PDZD2: variants seen among roughly 807,000 people sequenced by gnomAD.
The protein encoded by PDZD2 is PDZ domain containing 2, also known as PDZ domain-containing protein 2.
Under a neutral mutation model 220.7 loss-of-function variants are expected in PDZD2, and 90 were observed. The ratio of observed to expected loss-of-function variants is 0.41; its 90% CI spans 0.34 to 0.49. The LOEUF (loss-of-function observed/expected upper bound fraction) is 0.49, where lower values mean the gene tolerates loss of function less well. Among genes scored for constraint, PDZD2 ranks in the 20% least tolerant of loss-of-function variants. PDZD2 has a pLI of 0.28. For missense variants in PDZD2, 3,174 were observed against 3,608.5 expected, an observed-to-expected ratio of 0.88 and a Z score of 3.08; for synonymous variants, 1,375 against 1,450.5, an observed-to-expected ratio of 0.95 and a Z score of 1.18.
intron 2 of PDZD2, among the ~76,000 whole-genome samples, chr5:31,895,447 C>G (rs1284282774): frequency 6.6e-6 from 1 of 152,194 alleles, no homozygotes; most frequent in East Asian, 1.9e-4. Context: ...CCAGGTACTG[C>G]CAGTACCTTG....
chr5:31,893,837 A>C (rs1274368001), intron 2 of PDZD2, among the ~76,000 whole-genome samples: 1 of 152,092 alleles, frequency 6.6e-6, no homozygotes, highest in Non-Finnish European at 1.5e-5. Context: ...TGTTCACATG[A>C]AGTTGTACAG....
intron 7 of PDZD2, among the ~76,000 whole-genome samples, chr5:32,038,738 T>A (rs1238373883): frequency 2.0e-5 from 3 of 152,068 alleles, no homozygotes; most frequent in Non-Finnish European, 4.4e-5. Flanking sequence ...CCTACAACAG[T>A]CATCTGGTAT....
At chr5:31,924,918 T>A (rs1397308819) in intron 2 of PDZD2, among the ~76,000 whole-genome samples, 1 of 152,206 alleles carries the variant, frequency 6.6e-6, no homozygotes, top group East Asian at 1.9e-4. Flanking sequence ...AGGGTCTTCA[T>A]GTTTGTGGCA....
chr5:32,091,954 C>T (rs546573182), intron 20 of PDZD2, among the ~76,000 whole-genome samples: 4 of 152,174 alleles, frequency 2.6e-5, no homozygotes, highest in East Asian at 3.9e-4. Flanking sequence ...TGGAGTTAAA[C>T]GGAGAATTTC....
intron 1 of PDZD2, among the ~76,000 whole-genome samples, chr5:31,705,518 CA>C (rs1233560810): frequency 1.3e-5 from 2 of 152,238 alleles, no homozygotes; most frequent in Admixed American, 1.3e-4. Context: ...GTATTTTATA[CA>C]TATCATCTAA....
At chr5:31,885,158 CAAA>C (rs397978491) in intron 2 of PDZD2, among the ~76,000 whole-genome samples, 1 of 105,254 alleles carries the variant, frequency 9.5e-6, no homozygotes, top group Non-Finnish European at 2.0e-5. Context: ...GTGCAAACGG[CAAA>C]AAAAAAAAAA....
Position 32,048,449 on chromosome 5 carries a change from GGT to G in PDZD2, c.1520-87_1520-86del. 7 of 1,047,400 alleles carry G rather than the reference GGT, an allele frequency of 6.7e-6. No homozygotes were observed. The South Asian group carries it at 9.7e-5, about 15-fold the overall frequency. The allele number at this position is 1,047,400 out of a possible 1,614,324, so 64.9% of individuals were successfully genotyped here. ...TAGGCTTCTCAAAACCATGAAGGTG[GGT>G]GTAAATACAATGAGTTTATGCCTCT... On this transcript the variant is annotated intron_variant, in intron 7 of 24. Coordinates refer to ENST00000438447, the MANE Select transcript of PDZD2 (RefSeq NM_178140.4).
chr5:31,642,351 G>C (rs1176448239), intron 1 of PDZD2, among the ~76,000 whole-genome samples: 1 of 152,170 alleles, frequency 6.6e-6, no homozygotes, highest in African/African-American at 2.4e-5. Context: ...ACAAGCCCAT[G>C]AGAGAGGTTA....
At chr5:31,979,353 T>C (rs1750076135) in intron 2 of PDZD2, among the ~76,000 whole-genome samples, 1 of 152,132 alleles carries the variant, frequency 6.6e-6, no homozygotes, top group Non-Finnish European at 1.5e-5. Flanking sequence ...GTGGATCACC[T>C]GAGGTCAGGA....
chr5:31,856,778 C>T (rs1051403125), intron 2 of PDZD2, among the ~76,000 whole-genome samples: 2 of 152,066 alleles, frequency 1.3e-5, no homozygotes, highest in African/African-American at 2.4e-5. Flanking sequence ...CCTTCTTCAT[C>T]GTCTTCTGTT....
Position 32,088,561 on chromosome 5 carries a change from G to A in PDZD2, c.5113G>A (p.Ala1705Thr). ...ETTEVTSASS[A>T]MENSPLSKVA... ...CACAGAAGTCACCAGCGCTAGCTCA[G>A]CCATGGAAAACAGTCCGCTGTCTAA... Residue 1705 changes from alanine (A) to threonine (T), a missense_variant, in exon 20 of 25, where the codon GCC (alanine) becomes ACC (threonine). By Grantham distance (58) the Ala-to-Thr change is moderately conservative. Coordinates refer to ENST00000438447, the MANE Select transcript of PDZD2 (RefSeq NM_178140.4). The surrounding 1 kb of genome is among the most constrained non-coding windows in gnomAD (Gnocchi z 4.6). 1 of 1,614,128 alleles carries A rather than the reference G, an allele frequency of 6.2e-7. No individual in the cohort carries two copies.
intron 2 of PDZD2, among the ~76,000 whole-genome samples, chr5:31,932,530 C>G (rs1745383816): frequency 6.8e-6 from 1 of 146,034 alleles, no homozygotes; most frequent in South Asian, 2.3e-4. Context: ...GCCTGGGCGA[C>G]AGAGCAAGAC....
At position 31,849,935 on chromosome 5, in the gene PDZD2, CATATATATATATACAT is replaced by C. The variant is rs1561507207; in HGVS notation, c.476+50223_476+50238del. Among the ~76,000 whole-genome samples the C allele has an allele frequency of 3.1e-4, 6 of 19,184 alleles. 1 individual carries two copies. Among genetic ancestry groups the C allele is most frequent in the Non-Finnish European group, 5.2e-4 (6 of 11,616 alleles). The allele number at this position is 19,184 out of a possible 152,430, so 12.6% of individuals were successfully genotyped here. A position where few individuals can be genotyped will look rare whatever the true frequency, so the allele number is the denominator to read the frequency against. On this transcript the variant is annotated intron_variant, in intron 2 of 24. Transcript: ENST00000438447. Reference sequence around the variant, plus strand: ...ATATATATACATATATATATATACACATATATATATATACATATATATATATACACATATATATATA... The same window carrying C: ...ATATATATACATATATATATATACACATATATATATACACATATATATATA...
At chr5:31,650,717 C>T (rs1376648055) in intron 1 of PDZD2, among the ~76,000 whole-genome samples, 7 of 152,134 alleles carry the variant, frequency 4.6e-5, no homozygotes, top group African/African-American at 1.7e-4. Context: ...CAGAGATGAC[C>T]AGGTTGAGTC....
chr5:31,743,507 A>G (rs1271462174), intron 1 of PDZD2, among the ~76,000 whole-genome samples: 2 of 151,990 alleles, frequency 1.3e-5, no homozygotes, highest in Non-Finnish European at 2.9e-5. Context: ...GGTACAGTGG[A>G]AGTCTGTCAT....
chr5:31,776,375 C>G (rs1752643841), intron 1 of PDZD2, among the ~76,000 whole-genome samples: 1 of 152,182 alleles, frequency 6.6e-6, no homozygotes, highest in Non-Finnish European at 1.5e-5. Context: ...CAACTGCCTC[C>G]CTGCCCTGTG....
chr5:32,000,268 C>T lies in PDZD2; in HGVS notation c.1251C>T (p.Ser417=). The change falls in exon 5 of 25, where the codon AGC becomes AGT. Residue 417 remains serine (S), a synonymous_variant. Transcript: ENST00000438447. This position sits in a 1 kb window ranked among gnomAD's most constrained non-coding sequence, Gnocchi z 4.5. ...GAATGGTGCAGCTTGTGGTGGCCAG[C>T]AAGGTAGGTCGTGTTTGTTTTTTGG... The part of the protein sequence containing the change: ...ATGMVQLVVA[S]KENSAEDLLR... 6.2e-7 allele frequency: 1 copy of T among 1,614,138 alleles called. No homozygotes were observed. Among genetic ancestry groups the T allele is most frequent in the Non-Finnish European group, 8.5e-7 (1 of 1,180,012 alleles).
chr5:31,908,082 CAAAAAAAAAAAAA>C (rs55741622), intron 2 of PDZD2, among the ~76,000 whole-genome samples: 128 of 76,898 alleles, frequency 1.7e-3, no homozygotes, highest in Non-Finnish European at 2.3e-3. Flanking sequence ...GGCTCCGTCT[CAAAAAAAAAAAAA>C]AAAAAAAAAA....
At chr5:31,888,840 CAT>C (rs79703010) in intron 2 of PDZD2, among the ~76,000 whole-genome samples, 8,676 of 152,186 alleles carry the variant, frequency 0.057, 324 homozygotes, top group Middle Eastern at 0.078. Context: ...TGATACAGGG[CAT>C]GGGATCTCAC....
Sources: gnomAD v4.1 joint callset for allele counts (sites outside exome capture counted in the v4.1 genomes callset) on GRCh38, gnomAD v4.1.1 for gene constraint, Gnocchi (gnomAD v3.1) non-coding constraint, MANE v1.5 for transcripts, NCBI Gene and HGNC (gene_info 2026-07-23, HGNC 2026-07-21) for gene names.